The following CMSS1 variants were observed in gnomAD, a reference collection of about 807,000 sequenced individuals.
CMSS1 encodes protein CMSS1.
CMSS1 carries 33 observed loss-of-function variants against 43.5 expected under a neutral mutation model. That is an observed-to-expected ratio of 0.76 (90% CI 0.57 to 1.01). The LOEUF (loss-of-function observed/expected upper bound fraction) is 1.01. CMSS1 is among the 50% of genes least tolerant of loss of function. The pLI is 0.00. For synonymous variants in CMSS1, 115 were observed against 117.2 expected, an observed-to-expected ratio of 0.98 and a Z score of 0.12; for missense variants, 313 against 326.4, an observed-to-expected ratio of 0.96 and a Z score of 0.32.
At chr3:99,952,309 A>C (rs7622552) in intron 1 of CMSS1, among the ~76,000 whole-genome samples, 238 of 152,290 alleles carry the variant, frequency 1.6e-3, no homozygotes, top group Middle Eastern at 3.4e-3. Context: ...CTAGACATCT[A>C]AGGTATTTTC....
In CMSS1 at chr3:99,841,547, G is replaced by A. The variant is rs561256577; in HGVS notation, c.64+23504G>A. 3.3e-5 allele frequency among the ~76,000 whole-genome samples: 5 copies of A among 152,284 alleles called. No individual in the cohort carries two copies. In the South Asian group the frequency reaches 8.3e-4, roughly 25 times the overall value. ...CACCTATCCAAAAGCCTCAGGAATG[G>A]CTGAGGACGAGGTAGGCTTTGTAGG... On this transcript the variant is annotated intron_variant, in intron 1 of 9. Transcript: ENST00000421999.
At chr3:100,121,233 C>A (rs1376091951) in intron 1 of CMSS1, among the ~76,000 whole-genome samples, 1 of 151,640 alleles carries the variant, frequency 6.6e-6, no homozygotes, top group African/African-American at 2.4e-5. Flanking sequence ...CTAATATTAT[C>A]CCTCCCCTAG....
chr3:99,955,917 T>C (rs770984909), intron 1 of CMSS1, among the ~76,000 whole-genome samples: 3 of 152,190 alleles, frequency 2.0e-5, no homozygotes, highest in Non-Finnish European at 2.9e-5. Context: ...ATAACCTATG[T>C]AGACTTCTTA....
At chr3:100,014,614 A>G (rs982411428) in intron 1 of CMSS1, among the ~76,000 whole-genome samples, 1 of 151,832 alleles carries the variant, frequency 6.6e-6, no homozygotes, top group Non-Finnish European at 1.5e-5. Context: ...TTTTTCATAT[A>G]CCTGTTGGCC....
intron 1 of CMSS1, among the ~76,000 whole-genome samples, chr3:99,838,409 A>G (rs912189023): frequency 4.6e-5 from 7 of 152,308 alleles, no homozygotes; most frequent in Admixed American, 2.6e-4. Context: ...GCATTGATAC[A>G]GACCCTTCAG....
At chr3:99,844,336 CTG>C (rs1191027492) in intron 1 of CMSS1, among the ~76,000 whole-genome samples, 1 of 152,146 alleles carries the variant, frequency 6.6e-6, no homozygotes, top group East Asian at 1.9e-4. Context: ...GGATTTTACT[CTG>C]AGATACGCTG....
intron 1 of CMSS1, among the ~76,000 whole-genome samples, chr3:99,825,538 GATTAAATGAGTGGTTCTTGACAAC>G (rs1463451951): frequency 1.3e-5 from 2 of 152,144 alleles, no homozygotes; most frequent in Non-Finnish European, 2.9e-5. Flanking sequence ...TCTTTCAGAT[GATTAAATGAGTGGTTCTTGACAAC>G]AATTACGAAC....
chr3:99,907,372 C>G (rs1349157668), intron 1 of CMSS1, among the ~76,000 whole-genome samples: 1 of 152,096 alleles, frequency 6.6e-6, no homozygotes, highest in African/African-American at 2.4e-5. Context: ...CTCAGCCTCC[C>G]CAACAGCTGG....
intron 1 of CMSS1, among the ~76,000 whole-genome samples, chr3:99,988,350 A>C (rs958399343): frequency 6.0e-5 from 9 of 149,610 alleles, no homozygotes; most frequent in African/African-American, 1.5e-4. Flanking sequence ...CCAAAAAAAA[A>C]AAAAAAAAAA....
intron 1 of CMSS1, among the ~76,000 whole-genome samples, chr3:99,888,238 G>C (rs1264503169): frequency 2.6e-5 from 4 of 152,084 alleles, no homozygotes; most frequent in African/African-American, 9.7e-5. Flanking sequence ...CAGGCATTAT[G>C]TTGTGCACCT....
At chr3:100,071,248 A>G (rs1425538873) in intron 1 of CMSS1, among the ~76,000 whole-genome samples, 1 of 152,140 alleles carries the variant, frequency 6.6e-6, no homozygotes, top group Non-Finnish European at 1.5e-5. Context: ...TACTCACTTC[A>G]TCTCCTGAGA....
intron 1 of CMSS1, among the ~76,000 whole-genome samples, chr3:100,014,398 AT>A (rs1313227576): frequency 1.3e-5 from 2 of 151,822 alleles, no homozygotes; most frequent in African/African-American, 4.8e-5. Flanking sequence ...TCTATTTTTT[AT>A]TTTTTTAGAA....
chr3:99,981,531 C>A (rs1212721943), intron 1 of CMSS1, among the ~76,000 whole-genome samples: 1 of 152,086 alleles, frequency 6.6e-6, no homozygotes, highest in East Asian at 1.9e-4. Flanking sequence ...GAGGTGATTA[C>A]CCTGATTTGA....
At chr3:99,827,133 A>G (rs1942550257) in intron 1 of CMSS1, among the ~76,000 whole-genome samples, 1 of 152,222 alleles carries the variant, frequency 6.6e-6, no homozygotes, top group Non-Finnish European at 1.5e-5. Flanking sequence ...TTATTAATAC[A>G]TATTGCTTGA....
chr3:99,954,708 C>G (rs1708270127), intron 1 of CMSS1, among the ~76,000 whole-genome samples: 1 of 152,002 alleles, frequency 6.6e-6, no homozygotes, highest in Admixed American at 6.6e-5. Context: ...CACCTGTAAT[C>G]CCAGCTACTC....
At chr3:99,847,224 CA>C (rs749004894) in intron 1 of CMSS1, among the ~76,000 whole-genome samples, 9,975 of 142,500 alleles carry the variant, frequency 0.07, 449 homozygotes, top group Middle Eastern at 0.11. Flanking sequence ...GAGGTTAAAA[CA>C]AAAAAAAAAA....
At chr3:99,827,481 C>T (rs187046240) in intron 1 of CMSS1, among the ~76,000 whole-genome samples, 14 of 152,212 alleles carry the variant, frequency 9.2e-5, no homozygotes, top group Non-Finnish European at 1.9e-4. Context: ...TGTGAGTCAC[C>T]GCACCCGGCA....
At chr3:100,059,782 T>A (rs973788832) in intron 1 of CMSS1, among the ~76,000 whole-genome samples, 1 of 152,118 alleles carries the variant, frequency 6.6e-6, no homozygotes, top group Non-Finnish European at 1.5e-5. Flanking sequence ...TCAAGAGAAA[T>A]CAGAAATCCA....
intron 1 of CMSS1, among the ~76,000 whole-genome samples, chr3:99,822,700 C>G (rs1362698383): frequency 6.6e-6 from 1 of 151,988 alleles, no homozygotes; most frequent in African/African-American, 2.4e-5. Context: ...CCACTGCACT[C>G]CAGCCTGGGC....
Sources: gnomAD v4.1 joint callset for allele counts (sites outside exome capture counted in the v4.1 genomes callset) on GRCh38, gnomAD v4.1.1 for gene constraint, MANE v1.5 for transcripts, NCBI Gene and HGNC (gene_info 2026-07-23, HGNC 2026-07-21) for gene names.